TRHDE: variants seen among roughly 807,000 people sequenced by gnomAD.
TRHDE encodes the protein thyrotropin-releasing hormone-degrading ectoenzyme.
TRHDE carries 72 observed loss-of-function variants against 125.7 expected under a neutral mutation model. The observed-to-expected ratio is 0.57, with a 90% CI of 0.47 to 0.70. The LOEUF is 0.70. Ranked by LOEUF, TRHDE falls within the 30% of genes least tolerant of loss-of-function variation. TRHDE has a pLI of 0.00. For missense variants in TRHDE, 1,110 were observed against 1,327.1 expected, an observed-to-expected ratio of 0.84 and a Z score of 2.54; for synonymous variants, 509 against 509.1, an observed-to-expected ratio of 1.00 and a Z score of 0.00.
chr12:72,356,726 C>T (rs777840738), intron 2 of TRHDE, among the ~76,000 whole-genome samples: 6 of 151,158 alleles, frequency 4.0e-5, no homozygotes, highest in Non-Finnish European at 8.9e-5. Flanking sequence ...ATTAAAAGGG[C>T]TTGTGATGGA....
intron 12 of TRHDE, among the ~76,000 whole-genome samples, chr12:72,600,258 A>C (rs1317128683): frequency 6.6e-6 from 1 of 151,978 alleles, no homozygotes; most frequent in African/African-American, 2.4e-5. Flanking sequence ...TTTTATATGA[A>C]TTTTAGAATA....
At chr12:72,380,812 T>TTCCC (rs1872134065) in intron 3 of TRHDE, among the ~76,000 whole-genome samples, 1 of 144,596 alleles carries the variant, frequency 6.9e-6, no homozygotes, top group Non-Finnish European at 1.5e-5. Flanking sequence ...CCTTCCTTCC[T>TTCCC]TCCTTATTCC....
At chr12:72,598,156 A>G (rs543071290) in intron 12 of TRHDE, among the ~76,000 whole-genome samples, 2 of 152,298 alleles carry the variant, frequency 1.3e-5, no homozygotes, top group Admixed American at 1.3e-4. Context: ...AGCTAACATC[A>G]GTGATCCTAT....
At chr12:72,643,998 T>G (rs1419313887) in intron 15 of TRHDE, among the ~76,000 whole-genome samples, 1 of 152,210 alleles carries the variant, frequency 6.6e-6, no homozygotes, top group African/African-American at 2.4e-5. Flanking sequence ...AATGATACCC[T>G]CTTGAAGGGT....
chr12:72,554,482 C>T (rs984340090), intron 7 of TRHDE, among the ~76,000 whole-genome samples: 7 of 152,172 alleles, frequency 4.6e-5, no homozygotes, highest in Admixed American at 2.0e-4. Context: ...TTATATATAT[C>T]TTCTTTCTCA....
intron 3 of TRHDE, among the ~76,000 whole-genome samples, chr12:72,467,741 G>C (rs1876451884): frequency 6.6e-6 from 1 of 152,134 alleles, no homozygotes; most frequent in African/African-American, 2.4e-5. Context: ...CTTGAACCCG[G>C]GAGGCGGAGG....
chr12:72,164,008 G>GGC (rs747765798), intron 2 of TRHDE, among the ~76,000 whole-genome samples: 8 of 152,166 alleles, frequency 5.3e-5, no homozygotes, highest in Non-Finnish European at 1.2e-4. Context: ...CTAGCTGGGA[G>GGC]GCTGAGGCAG....
At chr12:72,640,715 C>G (rs142257314) in intron 15 of TRHDE, among the ~76,000 whole-genome samples, 1 of 152,126 alleles carries the variant, frequency 6.6e-6, no homozygotes, top group Non-Finnish European at 1.5e-5. Context: ...AGCTGTAGAC[C>G]GGAGCTGTTC....
intron 5 of TRHDE, among the ~76,000 whole-genome samples, chr12:72,497,919 A>G (rs1230124918): frequency 6.6e-6 from 1 of 152,132 alleles, no homozygotes; most frequent in African/African-American, 2.4e-5. Context: ...GAATTAGGAA[A>G]TTGGTTTGAG....
chr12:72,645,968 A>C (rs1874263592), intron 15 of TRHDE, among the ~76,000 whole-genome samples: 1 of 152,158 alleles, frequency 6.6e-6, no homozygotes, highest in Non-Finnish European at 1.5e-5. Context: ...AGAAATGCTA[A>C]AGGAAATTCT....
intron 2 of TRHDE, among the ~76,000 whole-genome samples, chr12:72,341,286 C>T (rs1870075830): frequency 6.6e-6 from 1 of 151,864 alleles, no homozygotes; most frequent in African/African-American, 2.4e-5. Flanking sequence ...GTCCCCCAGC[C>T]CCCAACCCCC....
At chr12:72,169,658 C>A (rs892312003) in intron 2 of TRHDE, among the ~76,000 whole-genome samples, 5 of 151,622 alleles carry the variant, frequency 3.3e-5, no homozygotes, top group Non-Finnish European at 7.4e-5. Context: ...AGTGCAAGAC[C>A]AATTTGGGCA....
chr12:72,106,059 G>T (rs1875179648), intron 2 of TRHDE, among the ~76,000 whole-genome samples: 1 of 152,120 alleles, frequency 6.6e-6, no homozygotes, highest in South Asian at 2.1e-4. Context: ...TCAGAATGTG[G>T]CCTGGGGAGT....
chr12:72,223,574 A>G (rs530859995), intron 2 of TRHDE, among the ~76,000 whole-genome samples: 52 of 152,260 alleles, frequency 3.4e-4, no homozygotes, highest in African/African-American at 1.2e-3. Context: ...TTTTTTAAAA[A>G]GATAAATATT....
At chr12:72,586,793 GAAA>G (rs59849205) in intron 12 of TRHDE, among the ~76,000 whole-genome samples, 27 of 111,000 alleles carry the variant, frequency 2.4e-4, no homozygotes, top group African/African-American at 5.1e-4. Flanking sequence ...TAACCAAAAT[GAAA>G]AAAAAAAAAA....
chr12:72,522,655 T>C (rs1868269064), intron 6 of TRHDE, among the ~76,000 whole-genome samples: 1 of 152,150 alleles, frequency 6.6e-6, no homozygotes, highest in Non-Finnish European at 1.5e-5. Flanking sequence ...TTTTTAAGAG[T>C]TTAGTTTGAA....
intron 2 of TRHDE, among the ~76,000 whole-genome samples, chr12:72,375,584 C>T (rs747681690): frequency 2.6e-5 from 4 of 151,962 alleles, no homozygotes; most frequent in Non-Finnish European, 5.9e-5. Context: ...AGAGTAGTTC[C>T]GGTTATGGTT....
Position 72,653,173 on chromosome 12 carries a change from T to G in TRHDE, c.2984+17T>G. 1.3e-6 allele frequency: 2 copies of G among 1,598,692 alleles called. No individual in the cohort carries two copies. The highest frequency in any genetic ancestry group is 2.7e-5 in the African/African-American group (2 of 74,242). On this transcript the variant is annotated intron_variant, in intron 17 of 18. Coordinates refer to ENST00000261180, the MANE Select transcript of TRHDE (RefSeq NM_013381.3). ...AAATACCAGGTAGAAATTAGAATTC[T>G]TACTTGAATGAGTAAATTAAAGCCG...
At chr12:72,603,690 A>T (rs751561470) in intron 12 of TRHDE, among the ~76,000 whole-genome samples, 4 of 152,162 alleles carry the variant, frequency 2.6e-5, no homozygotes, top group Admixed American at 6.5e-5. Context: ...GCGCCACTGC[A>T]CTCCAGCCTG....
Sources: allele counts gnomAD v4.1 joint callset (sites outside exome capture counted in the v4.1 genomes callset), GRCh38; gene constraint gnomAD v4.1.1; transcripts MANE v1.5; gene names NCBI Gene and HGNC (gene_info 2026-07-23, HGNC 2026-07-21).